The following SPTLC3 variants were observed in gnomAD, a reference collection of about 807,000 sequenced individuals.
SPTLC3 encodes the protein serine palmitoyltransferase 3.
In SPTLC3, 36 loss-of-function variants were observed where a neutral mutation model predicts 59.3. That is an observed-to-expected ratio of 0.61 (90% CI 0.47 to 0.80). The LOEUF (loss-of-function observed/expected upper bound fraction) is 0.80, where lower values mean the gene tolerates loss of function less well. SPTLC3 is among the 30% of genes least tolerant of loss of function. The pLI, the probability that SPTLC3 is intolerant of heterozygous loss-of-function variation, is 0.00. For missense variants in SPTLC3, 625 were observed against 685.1 expected (o/e 0.91, Z 0.98); for synonymous variants, 257 against 240.8 (o/e 1.07, Z -0.62).
chr20:13,049,788 C>T (rs928059556), intron 2 of SPTLC3: 1 of 152,160 alleles, frequency 6.6e-6, no homozygotes, highest in Non-Finnish European at 1.5e-5. Context: ...TCTGTGGAGA[C>T]AATCCCCAGT....
chr20:13,089,009 T>C (rs1217144984), intron 4 of SPTLC3, among the ~76,000 whole-genome samples: 2 of 152,196 alleles, frequency 1.3e-5, no homozygotes, highest in African/African-American at 4.8e-5. Flanking sequence ...CCCTTCAGTG[T>C]GACCTCTCAT....
intron 1 of SPTLC3, among the ~76,000 whole-genome samples, chr20:13,025,579 G>C (rs1008080267): frequency 6.6e-6 from 1 of 152,090 alleles, no homozygotes; most frequent in African/African-American, 2.4e-5. Context: ...GAACAGTGCA[G>C]GCACCAGAGG....
chr20:13,056,320 A>G (rs902567357), intron 2 of SPTLC3, among the ~76,000 whole-genome samples: 3 of 152,136 alleles, frequency 2.0e-5, no homozygotes, highest in Admixed American at 2.0e-4. Context: ...CATACCTTTT[A>G]TTATTTGTTC....
At position 13,166,308 on chromosome 20, in the gene SPTLC3, T is replaced by A. The variant is rs540877451; in HGVS notation, c.*1441T>A. 1.3e-4 allele frequency: 20 copies of A among 152,754 alleles called. 1 individual carries two copies. The highest frequency in any genetic ancestry group is 1.1e-3 in the Admixed American group (17 of 15,298). 9.5% of individuals were successfully genotyped at this position (152,754 alleles called of 1,614,324 possible). On this transcript the variant is annotated 3_prime_UTR_variant, in exon 12 of 12. Transcript: ENST00000399002. ...AGCGCCTGCGATGGATGGAGCAGTG[T>A]GCCCTGATGCTCAAAGCGTATTAAA...
chr20:13,052,615 G>A (rs569803801), intron 2 of SPTLC3, among the ~76,000 whole-genome samples: 6 of 152,190 alleles, frequency 3.9e-5, no homozygotes, highest in South Asian at 4.1e-4. Flanking sequence ...CCACCCCCAC[G>A]GAGCCCAGCA....
intron 2 of SPTLC3, among the ~76,000 whole-genome samples, chr20:13,060,575 A>G (rs1987930271): frequency 6.6e-6 from 1 of 152,094 alleles, no homozygotes; most frequent in Non-Finnish European, 1.5e-5. Flanking sequence ...GTACCCATTA[A>G]GTAATTTCTC....
chr20:13,056,210 C>A (rs1378398382), intron 2 of SPTLC3, among the ~76,000 whole-genome samples: 1 of 152,172 alleles, frequency 6.6e-6, no homozygotes, highest in South Asian at 2.1e-4. Context: ...TAATGATTTA[C>A]CTTTCTTTAC....
chr20:13,026,819 GA>G (rs1206376359), intron 1 of SPTLC3, among the ~76,000 whole-genome samples: 1 of 152,056 alleles, frequency 6.6e-6, no homozygotes, highest in African/African-American at 2.4e-5. Flanking sequence ...AGAACTTTCT[GA>G]AAAACTGTTA....
intron 9 of SPTLC3, among the ~76,000 whole-genome samples, chr20:13,145,607 T>C (rs1484135424): frequency 1.3e-5 from 2 of 151,988 alleles, no homozygotes; most frequent in African/African-American, 4.8e-5. Flanking sequence ...AAACTACCAA[T>C]GACATTCTTT....
chr20:13,091,837 C>A (rs1989233027), intron 5 of SPTLC3, among the ~76,000 whole-genome samples: 2 of 152,106 alleles, frequency 1.3e-5, no homozygotes, highest in African/African-American at 4.8e-5. Context: ...TTTATTTGGA[C>A]AAAATATTTG....
chr20:13,085,273 T>C (rs866620138), intron 4 of SPTLC3, among the ~76,000 whole-genome samples: 2 of 152,266 alleles, frequency 1.3e-5, no homozygotes, highest in South Asian at 4.1e-4. Context: ...AAAAGCAATA[T>C]TGCTCCATAA....
chr20:13,126,846 A>G, intron 9 of SPTLC3, 129 bp downstream of exon 9: 1 of 1,323,674 alleles, frequency 7.6e-7, no homozygotes, highest in South Asian at 1.6e-5. Flanking sequence ...CCATGTGATA[A>G]ATGCACAAAA....
At chr20:13,143,385 A>T (rs1424078544) in intron 9 of SPTLC3, among the ~76,000 whole-genome samples, 1 of 152,240 alleles carries the variant, frequency 6.6e-6, no homozygotes. Flanking sequence ...AAGTTATGTC[A>T]GACACCCTAC....
At chr20:13,031,054 T>G (rs1025548114) in intron 1 of SPTLC3, among the ~76,000 whole-genome samples, 78 of 152,246 alleles carry the variant, frequency 5.1e-4, no homozygotes, top group African/African-American at 1.8e-3. Context: ...TTACAACTAC[T>G]CAACTCTGCC....
At chr20:13,124,300 A>G (rs532174870) in intron 8 of SPTLC3, among the ~76,000 whole-genome samples, 1 of 151,824 alleles carries the variant, frequency 6.6e-6, no homozygotes, top group Non-Finnish European at 1.5e-5. Flanking sequence ...TGCTGGAAGG[A>G]AAGATGGAAG....
intron 1 of SPTLC3, among the ~76,000 whole-genome samples, chr20:13,024,558 C>T (rs1400062060): frequency 6.6e-6 from 1 of 152,096 alleles, no homozygotes; most frequent in Non-Finnish European, 1.5e-5. Flanking sequence ...CAATGGAATG[C>T]ACAAATCTGA....
intron 2 of SPTLC3, among the ~76,000 whole-genome samples, chr20:13,061,202 G>A (rs542270726): frequency 1.3e-5 from 2 of 152,184 alleles, no homozygotes; most frequent in Non-Finnish European, 2.9e-5. Flanking sequence ...GAGACATGGG[G>A]GTGCATATGC....
intron 8 of SPTLC3, among the ~76,000 whole-genome samples, chr20:13,120,972 C>T (rs1228071963): frequency 1.3e-5 from 2 of 152,234 alleles, no homozygotes; most frequent in African/African-American, 4.8e-5. Context: ...AATTCCAGAT[C>T]ACTACTTCTC....
intron 6 of SPTLC3, among the ~76,000 whole-genome samples, chr20:13,107,816 A>G (rs1989990295): frequency 6.6e-6 from 1 of 151,270 alleles, no homozygotes. Context: ...ATAACATGCC[A>G]GATATTATTG....
Sources: gnomAD v4.1 joint callset for allele counts (sites outside exome capture counted in the v4.1 genomes callset) on GRCh38, gnomAD v4.1.1 for gene constraint, MANE v1.5 for transcripts, NCBI Gene and HGNC (gene_info 2026-07-23, HGNC 2026-07-21) for gene names.